SEC24B: variants seen among roughly 807,000 people sequenced by gnomAD.
SEC24B encodes the protein protein transport protein Sec24B.
SEC24B carries 45 observed loss-of-function variants against 142.8 expected under a neutral mutation model. The observed-to-expected ratio is 0.32, with a 90% CI of 0.25 to 0.40. The LOEUF (loss-of-function observed/expected upper bound fraction) is 0.40, where lower values mean the gene tolerates loss of function less well. SEC24B is among the 10% of genes least tolerant of loss of function. The pLI, the probability that SEC24B is intolerant of heterozygous loss-of-function variation, is 1.00. For missense variants in SEC24B, 1,409 were observed against 1,526.8 expected (o/e 0.92, Z 1.29); for synonymous variants, 574 against 568.2 (o/e 1.01, Z -0.15).
chr4:109,536,318 T>TATC (rs1206245536), intron 22 of SEC24B, among the ~76,000 whole-genome samples: 1 of 152,020 alleles, frequency 6.6e-6, no homozygotes, highest in Non-Finnish European at 1.5e-5. Flanking sequence ...TAATGAAAAA[T>TATC]ACAGTGTGGT....
chr4:109,440,244 C>T (rs907899885), intron 1 of SEC24B, among the ~76,000 whole-genome samples: 1 of 152,078 alleles, frequency 6.6e-6, no homozygotes, highest in African/African-American at 2.4e-5. Context: ...TCTTTTCACT[C>T]CCTTCCTCTC....
chr4:109,445,243 T>G (rs1223585199), intron 1 of SEC24B, among the ~76,000 whole-genome samples: 7 of 73,694 alleles, frequency 9.5e-5, no homozygotes, highest in East Asian at 2.7e-4. Context: ...TCTTTCTTTG[T>G]TTTTTTTTTT....
chr4:109,539,473 A>T, intron 23 of SEC24B, 88 bp from the exon 24 acceptor site: 1 of 755,200 alleles, frequency 1.3e-6, no homozygotes, highest in Non-Finnish European at 2.3e-6. Context: ...TTTACAGGAT[A>T]CAAGTGTAAT....
At chr4:109,510,148 AT>A in intron 8 of SEC24B, 37 bp downstream of exon 8, 3 of 1,048,134 alleles carry the variant, frequency 2.9e-6, no homozygotes, top group Non-Finnish European at 4.2e-6. Flanking sequence ...GGGTACTGAC[AT>A]GTATGCTTAT....
intron 3 of SEC24B, among the ~76,000 whole-genome samples, chr4:109,475,971 T>G (rs1043291117): frequency 1.3e-5 from 2 of 150,446 alleles, no homozygotes; most frequent in African/African-American, 5.0e-5. Context: ...CATCAATCAT[T>G]ACAACTTTTT....
intron 22 of SEC24B, 22 bp from the exon 23 acceptor site, chr4:109,538,471 C>T (rs766583946): frequency 3.7e-5 from 57 of 1,531,612 alleles, no homozygotes; most frequent in Non-Finnish European, 5.0e-5. Flanking sequence ...GGAAAGTTTC[C>T]TAATTGTATT....
chr4:109,462,206 C>T (rs909685648), intron 1 of SEC24B, among the ~76,000 whole-genome samples: 1 of 152,132 alleles, frequency 6.6e-6, no homozygotes, highest in Non-Finnish European at 1.5e-5. Flanking sequence ...CAGAGCGAGA[C>T]CCTGTCTCAA....
chr4:109,534,127 C>T (rs1725233254), intron 22 of SEC24B, among the ~76,000 whole-genome samples: 2 of 151,650 alleles, frequency 1.3e-5, no homozygotes, highest in African/African-American at 2.4e-5. Context: ...ACTATAGCCT[C>T]GACCTCCCAT....
At position 109,466,600 on chromosome 4, in the gene SEC24B, C is replaced by T. The variant is rs376782827; in HGVS notation, c.877+2956C>T. ...TAATTTTTTATATTTTTAGTAGAGA[C>T]AGGGTTTCACCATGTTGGCCAGGAT... On this transcript the variant is annotated intron_variant, in intron 2 of 23. Transcript: ENST00000265175. Among the ~76,000 whole-genome samples, 50 of 152,270 alleles carry T rather than the reference C, an allele frequency of 3.3e-4. No homozygotes were observed. In the East Asian group the frequency reaches 5.4e-3, roughly 17 times the overall value.
chr4:109,460,339 G>T (rs1731125693), intron 1 of SEC24B, among the ~76,000 whole-genome samples: 2 of 152,110 alleles, frequency 1.3e-5, no homozygotes, highest in South Asian at 4.1e-4. Context: ...CTTCCTTTGT[G>T]TACTTGTGTC....
chr4:109,457,407 A>G (rs149130457), intron 1 of SEC24B, among the ~76,000 whole-genome samples: 8 of 152,354 alleles, frequency 5.3e-5, no homozygotes, highest in African/African-American at 1.9e-4. Flanking sequence ...AGGCTGGGAA[A>G]TCCAAGATCA....
rs1237248754 is a variant in SEC24B at position 109,494,708 on chromosome 4, C to T, written c.1340C>T (p.Pro447Leu). 6.2e-7 allele frequency: 1 copy of T among 1,614,116 alleles called. No individual in the cohort carries two copies. Among genetic ancestry groups the T allele is most frequent in the Admixed American group, 1.7e-5 (1 of 60,012 alleles). Residue 447 changes from proline to leucine, a missense_variant, in exon 6 of 24, where the codon CCT becomes CTT. Physicochemically the swap from Pro to Leu is moderately conservative, Grantham distance 98. This residue lies in a region of SEC24B where 709 missense variants were observed against 673.5 expected (regional missense o/e 1.05). Transcript: ENST00000265175. ...SAPAPASAPA[P>L]VVPQPSKMAK... is the part of the protein sequence containing the mutation. ...CCAGCTCCAGCTTCAGCTCCAGCTC[C>T]TGTCGTCCCTCAGCCTTCAAAAATG...
At chr4:109,496,394 T>C (rs71603033) in intron 6 of SEC24B, among the ~76,000 whole-genome samples, 28,907 of 152,140 alleles carry the variant, frequency 0.19, 3,200 homozygotes, top group African/African-American at 0.31. Flanking sequence ...GGATTACAGG[T>C]GTGAGCCACT....
chr4:109,433,922 C>T lies in SEC24B; in HGVS notation c.53C>T (p.Pro18Leu). 7.6e-7 allele frequency: 1 copy of T among 1,313,756 alleles called. No individual in the cohort carries two copies. Among genetic ancestry groups the T allele is most frequent in the Non-Finnish European group, 9.7e-7 (1 of 1,030,818 alleles). The allele number at this position is 1,313,756 out of a possible 1,614,324, so 81.4% of individuals were successfully genotyped here. A position where few individuals can be genotyped will look rare whatever the true frequency, so the allele number is the denominator to read the frequency against. Residue 18 changes from proline (P) to leucine (L), a missense_variant, in exon 1 of 24, where the codon CCC (proline) becomes CTC (leucine). Around this residue, in one of 2 missense-constraint regions of SEC24B, gnomAD observed 709 missense variants for 673.5 expected, o/e 1.05. Coordinates refer to ENST00000265175, the MANE Select transcript of SEC24B (RefSeq NM_006323.5). ...SHPAASARIP[P>L]KFGGAAVSGA... ...CCGGCCGCCAGCGCCCGGATCCCGCCCAAGTTCGGCGGAGCGGCCGTCTCA... is the reference window on the plus strand; with the variant it reads ...CCGGCCGCCAGCGCCCGGATCCCGCTCAAGTTCGGCGGAGCGGCCGTCTCA...
At chr4:109,513,300 C>T (rs1244331219) in intron 9 of SEC24B, among the ~76,000 whole-genome samples, 3 of 119,688 alleles carry the variant, frequency 2.5e-5, no homozygotes, top group East Asian at 4.9e-4. Context: ...TTTTTTTTTT[C>T]GGAGACAGAG....
intron 2 of SEC24B, among the ~76,000 whole-genome samples, chr4:109,468,421 AT>A (rs1732182801): frequency 6.6e-6 from 1 of 152,186 alleles, no homozygotes; most frequent in African/African-American, 2.4e-5. Flanking sequence ...TTTAGCTGTT[AT>A]CCCCTCTCCA....
At chr4:109,534,279 G>GGT (rs1725252234) in intron 22 of SEC24B, among the ~76,000 whole-genome samples, 2 of 147,590 alleles carry the variant, frequency 1.4e-5, no homozygotes, top group East Asian at 4.0e-4. Flanking sequence ...AATATTTGTG[G>GGT]TTTTTTTTTT....
At chr4:109,485,701 A>G (rs975818407) in intron 4 of SEC24B, among the ~76,000 whole-genome samples, 29 of 152,244 alleles carry the variant, frequency 1.9e-4, no homozygotes, top group African/African-American at 6.8e-4. Flanking sequence ...TTGCCCAGTT[A>G]CAATAATTTA....
At chr4:109,538,224 C>G (rs941987799) in intron 22 of SEC24B, among the ~76,000 whole-genome samples, 8 of 152,132 alleles carry the variant, frequency 5.3e-5, no homozygotes, top group African/African-American at 1.9e-4. Context: ...ACATGCTAAT[C>G]GTTGTTTATG....
Sources: allele counts gnomAD v4.1 joint callset (sites outside exome capture counted in the v4.1 genomes callset), GRCh38; gene constraint gnomAD v4.1.1; regional missense constraint gnomAD v4.1.1; transcripts MANE v1.5; gene names NCBI Gene and HGNC (gene_info 2026-07-23, HGNC 2026-07-21).